FSHR: variants seen among roughly 807,000 people sequenced by gnomAD.
FSHR encodes the protein follicle-stimulating hormone receptor.
A neutral mutation model predicts 52.1 loss-of-function variants in FSHR; 46 were observed. The observed-to-expected ratio is 0.88, with a 90% CI of 0.70 to 1.13. The LOEUF (loss-of-function observed/expected upper bound fraction) is 1.13, where lower values mean the gene tolerates loss of function less well. Among genes scored for constraint, FSHR ranks in the 50% most tolerant of loss-of-function variants. The probability of loss-of-function intolerance (pLI) is 0.00; values close to 1 mark genes in which losing one functional copy is unlikely to be tolerated. For synonymous variants in FSHR, 399 were observed against 309.6 expected, an observed-to-expected ratio of 1.29 and a Z score of -3.03; for missense variants, 964 against 834.6, an observed-to-expected ratio of 1.16 and a Z score of -1.91.
chr2:49,133,619 T>C (rs1672376118), intron 1 of FSHR, among the ~76,000 whole-genome samples: 1 of 152,194 alleles, frequency 6.6e-6, no homozygotes, highest in South Asian at 2.1e-4. Context: ...AAAACAATCC[T>C]AAGCAAAAGG....
chr2:49,091,160 G>A (rs1670594383), intron 1 of FSHR, among the ~76,000 whole-genome samples: 1 of 151,510 alleles, frequency 6.6e-6, no homozygotes. Flanking sequence ...TTGTGTTTTT[G>A]ATGTCATGTT....
chr2:48,970,699 T>A (rs1442887265), intron 8 of FSHR, among the ~76,000 whole-genome samples: 1 of 152,188 alleles, frequency 6.6e-6, no homozygotes, highest in Non-Finnish European at 1.5e-5. Context: ...CAGGTCCACA[T>A]AATCAGTTGT....
intron 2 of FSHR, among the ~76,000 whole-genome samples, chr2:49,021,831 TTCTCTC>T (rs1553334822): frequency 0.023 from 1,049 of 45,962 alleles, 25 homozygotes; most frequent in Non-Finnish European, 0.031. Context: ...GGGTATGTGT[TTCTCTC>T]TCTCTCTCTC....
Position 48,963,054 on chromosome 2 carries a change from A to G in FSHR, c.1767T>C (p.Ser589=), listed in dbSNP as rs1170756964. The change falls in exon 10 of 10, where the codon TCT becomes TCC. Residue 589 remains serine (S), a synonymous_variant. Transcript: ENST00000406846. ...FTDFLCMAPI[S]FFAISASLKV... ...TGAGGGAGGCAGAAATGGCAAAGAA[A>G]GAAATGGGTGCCATGCAGAGGAAGT... The G allele has an allele frequency of 3.1e-6, 5 of 1,613,992 alleles. No individual in the cohort carries two copies. In the African/African-American group the frequency reaches 6.7e-5, roughly 22 times the overall value.
At chr2:49,088,592 C>G (rs1670486537) in intron 1 of FSHR, among the ~76,000 whole-genome samples, 1 of 152,156 alleles carries the variant, frequency 6.6e-6, no homozygotes, top group Admixed American at 6.5e-5. Context: ...ACGCATTGTG[C>G]CTCTAAAGCA....
chr2:49,021,643 G>C (rs1418819176), intron 2 of FSHR, among the ~76,000 whole-genome samples: 2 of 151,718 alleles, frequency 1.3e-5, no homozygotes, highest in African/African-American at 4.8e-5. Flanking sequence ...GTGACCAGGG[G>C]GCTGGTGACA....
chr2:49,079,372 T>G (rs1670076437), intron 1 of FSHR, among the ~76,000 whole-genome samples: 1 of 152,140 alleles, frequency 6.6e-6, no homozygotes, highest in South Asian at 2.1e-4. Flanking sequence ...TGTTTTTGTA[T>G]GGGTATGTGG....
At chr2:49,014,172 A>G (rs1327161276) in intron 4 of FSHR, among the ~76,000 whole-genome samples, 4 of 152,184 alleles carry the variant, frequency 2.6e-5, no homozygotes, top group African/African-American at 7.2e-5. Flanking sequence ...AGAAAATGAT[A>G]TGCTATTTTT....
intron 2 of FSHR, among the ~76,000 whole-genome samples, chr2:49,039,894 T>C (rs1668420692): frequency 6.8e-6 from 1 of 146,468 alleles, no homozygotes; most frequent in Admixed American, 7.0e-5. Flanking sequence ...TATGTAAAAT[T>C]TTTGTTCTTT....
In FSHR at chr2:48,962,951, A is replaced by T; in HGVS notation, c.1870T>A (p.Phe624Ile). Reference sequence around the variant, plus strand: ...TTTTTGGTAAAGATGGCATAGAGGAAGGGGTTGGCACAGGAGTTGATGGGG... The same window carrying T: ...TTTTTGGTAAAGATGGCATAGAGGATGGGGTTGGCACAGGAGTTGATGGGG... ...FHPINSCANPFLYAIFTKNFR... is the reference protein window; with the variant it reads ...FHPINSCANPILYAIFTKNFR... The change falls in exon 10 of 10, where the codon TTC becomes ATC. Residue 624 changes from phenylalanine (F) to isoleucine (I), a missense_variant. Transcript: ENST00000406846. 1 of 1,614,166 alleles carries T rather than the reference A, an allele frequency of 6.2e-7. No individual in the cohort carries two copies. Among genetic ancestry groups the T allele is most frequent in the Non-Finnish European group, 8.5e-7 (1 of 1,180,008 alleles).
intron 1 of FSHR, among the ~76,000 whole-genome samples, chr2:49,137,533 C>A (rs994426744): frequency 6.6e-6 from 1 of 151,964 alleles, no homozygotes; most frequent in East Asian, 1.9e-4. Flanking sequence ...TAAATAGCTA[C>A]CATCCTGAAG....
At chr2:49,143,162 C>T (rs960551476) in intron 1 of FSHR, among the ~76,000 whole-genome samples, 1 of 152,050 alleles carries the variant, frequency 6.6e-6, no homozygotes, top group African/African-American at 2.4e-5. Flanking sequence ...CTGGGAACTC[C>T]AACATCTAGA....
intron 1 of FSHR, among the ~76,000 whole-genome samples, chr2:49,120,029 G>A (rs1336395137): frequency 1.3e-5 from 2 of 152,170 alleles, no homozygotes; most frequent in African/African-American, 4.8e-5. Flanking sequence ...CAGCACTTTG[G>A]GAGGCCAGGG....
In FSHR at chr2:48,989,058, G is replaced by A; in HGVS notation, c.447-4C>T. On this transcript the variant is annotated splice_polypyrimidine_tract_variant and splice_region_variant and intron_variant, in intron 5 of 9. Transcript: ENST00000406846. Reference sequence around the variant, plus strand: ...GTTTATGTTATCTTGAATGTCACTAGAAGAAAGTACAGACAAATAAGATAC... The same window carrying A: ...GTTTATGTTATCTTGAATGTCACTAAAAGAAAGTACAGACAAATAAGATAC... 1 of 1,610,514 alleles carries A rather than the reference G, an allele frequency of 6.2e-7. No homozygotes were observed. The highest frequency in any genetic ancestry group is 8.5e-7 in the Non-Finnish European group (1 of 1,177,030).
chr2:48,966,652 A>G (rs2104001244), intron 9 of FSHR, among the ~76,000 whole-genome samples: 1 of 152,342 alleles, frequency 6.6e-6, no homozygotes, highest in South Asian at 2.1e-4. Context: ...TATGATATAC[A>G]ATGAAATGTC....
intron 2 of FSHR, among the ~76,000 whole-genome samples, chr2:49,041,683 C>A (rs565575610): frequency 2.6e-5 from 4 of 151,962 alleles, no homozygotes; most frequent in Non-Finnish European, 4.4e-5. Flanking sequence ...CTATACCAGG[C>A]AATGCATTAT....
chr2:49,137,554 T>C (rs1572796303), intron 1 of FSHR, among the ~76,000 whole-genome samples: 1 of 151,924 alleles, frequency 6.6e-6, no homozygotes, highest in Non-Finnish European at 1.5e-5. Flanking sequence ...GAGAACAAAG[T>C]TGGAGGATTG....
chr2:48,975,588 C>A (rs1432085803), intron 8 of FSHR, among the ~76,000 whole-genome samples: 1 of 152,160 alleles, frequency 6.6e-6, no homozygotes, highest in African/African-American at 2.4e-5. Context: ...TGCAGATAGC[C>A]TATCATGGAC....
chr2:49,039,926 T>G (rs200357743), intron 2 of FSHR, among the ~76,000 whole-genome samples: 6 of 674 alleles, frequency 8.9e-3, no homozygotes, highest in South Asian at 0.25. Flanking sequence ...CATTGGTGGT[T>G]TTTTTTTTTC....
Sources: allele counts gnomAD v4.1 joint callset (sites outside exome capture counted in the v4.1 genomes callset), GRCh38; gene constraint gnomAD v4.1.1; transcripts MANE v1.5; gene names NCBI Gene and HGNC (gene_info 2026-07-23, HGNC 2026-07-21).